Variants in SPMIP2 observed in about 807,000 individuals in gnomAD.
SPMIP2 encodes the protein sperm microtubule inner protein 2, also known as protein SPMIP2.
the SPMIP2 span, chr4:158,893,504 A>ATATT: frequency 3.7e-6 from 2 of 543,642 alleles, no homozygotes; most frequent in Non-Finnish European, 6.7e-6. Flanking sequence ...TCATGAAACA[A>ATATT]TATTAATGGT....
At chr4:159,065,307 C>A in the SPMIP2 span, among the ~76,000 whole-genome samples, 78 of 152,222 alleles carry the variant, frequency 5.1e-4, no homozygotes, top group Non-Finnish European at 7.6e-4. Flanking sequence ...AATAGCTAGA[C>A]AAGTTCACCA....
At chr4:158,946,245 G>T in the SPMIP2 span, among the ~76,000 whole-genome samples, 1 of 152,232 alleles carries the variant, frequency 6.6e-6, no homozygotes, top group Non-Finnish European at 1.5e-5. Context: ...TCACAGTACA[G>T]TCTCTTGAGC....
At chr4:158,993,833 C>A in the SPMIP2 span, among the ~76,000 whole-genome samples, 2 of 152,182 alleles carry the variant, frequency 1.3e-5, no homozygotes, top group Non-Finnish European at 2.9e-5. Flanking sequence ...ACTCAGACAA[C>A]ATTAAACACT....
the SPMIP2 span, among the ~76,000 whole-genome samples, chr4:158,986,333 C>T: frequency 1.3e-5 from 2 of 152,060 alleles, no homozygotes; most frequent in African/African-American, 4.8e-5. Flanking sequence ...CCAAGTCAAT[C>T]CTAAGACAAA....
chr4:158,959,544 T>C, the SPMIP2 span, among the ~76,000 whole-genome samples: 1 of 151,872 alleles, frequency 6.6e-6, no homozygotes, highest in Non-Finnish European at 1.5e-5. Context: ...TCAGGGCTAA[T>C]AAAATCCAGT....
the SPMIP2 span, among the ~76,000 whole-genome samples, chr4:159,060,858 G>A: frequency 1.3e-5 from 2 of 152,104 alleles, no homozygotes; most frequent in Non-Finnish European, 2.9e-5. Context: ...GCCGAGGCAG[G>A]CAGATCACTT....
At chr4:159,006,689 G>A in the SPMIP2 span, among the ~76,000 whole-genome samples, 1 of 152,158 alleles carries the variant, frequency 6.6e-6, no homozygotes, top group South Asian at 2.1e-4. Flanking sequence ...CATCTTGGTT[G>A]TATCAAAGAG....
chr4:159,066,272 G>A, the SPMIP2 span, among the ~76,000 whole-genome samples: 1 of 152,102 alleles, frequency 6.6e-6, no homozygotes, highest in Non-Finnish European at 1.5e-5. Context: ...ATCTGCAGGG[G>A]ACAAAAATGA....
At chr4:159,040,074 G>A in the SPMIP2 span, among the ~76,000 whole-genome samples, 5 of 152,166 alleles carry the variant, frequency 3.3e-5, 1 homozygote, top group South Asian at 8.3e-4. Flanking sequence ...CTTTGCCACC[G>A]TTTAGCAGTG....
the SPMIP2 span, among the ~76,000 whole-genome samples, chr4:158,912,633 C>G: frequency 1.3e-5 from 2 of 152,130 alleles, no homozygotes; most frequent in African/African-American, 4.8e-5. Flanking sequence ...TATTTGCTTT[C>G]AAATATGTAA....
chr4:158,940,220 C>A, the SPMIP2 span, among the ~76,000 whole-genome samples: 1 of 152,260 alleles, frequency 6.6e-6, no homozygotes, highest in East Asian at 1.9e-4. Flanking sequence ...CTGTACTTGT[C>A]CAAATTTCCT....
the SPMIP2 span, among the ~76,000 whole-genome samples, chr4:158,942,701 C>T: frequency 5.3e-5 from 8 of 152,082 alleles, no homozygotes; most frequent in South Asian, 2.1e-4. Context: ...CACTTGAACC[C>T]GGGAGGTGGA....
chr4:159,080,274 T>C, the SPMIP2 span, among the ~76,000 whole-genome samples: 1 of 152,136 alleles, frequency 6.6e-6, no homozygotes, highest in Non-Finnish European at 1.5e-5. Context: ...TGGAATGCAA[T>C]GGCACAATCA....
chr4:158,928,693 G>C, the SPMIP2 span, among the ~76,000 whole-genome samples: 1 of 152,114 alleles, frequency 6.6e-6, no homozygotes, highest in Non-Finnish European at 1.5e-5. Context: ...TGGAAGCTTT[G>C]TTCTTTTGCT....
chr4:158,994,604 C>A, the SPMIP2 span, among the ~76,000 whole-genome samples: 8 of 152,218 alleles, frequency 5.3e-5, no homozygotes, highest in South Asian at 1.7e-3. Flanking sequence ...ATCAAGTAGA[C>A]CTTGGAAATG....
chr4:158,966,177 A>C, the SPMIP2 span, among the ~76,000 whole-genome samples: 2 of 152,222 alleles, frequency 1.3e-5, no homozygotes, highest in South Asian at 4.1e-4. Context: ...ACTATTCCTA[A>C]ACTTCCCCAA....
chr4:158,939,776 G>A, the SPMIP2 span, among the ~76,000 whole-genome samples: 3 of 152,064 alleles, frequency 2.0e-5, no homozygotes, highest in Non-Finnish European at 2.9e-5. Context: ...TCAGGAGTTC[G>A]AGACGTGAGC....
At chr4:159,015,397 T>C in the SPMIP2 span, among the ~76,000 whole-genome samples, 2 of 152,222 alleles carry the variant, frequency 1.3e-5, no homozygotes, top group Non-Finnish European at 2.9e-5. Flanking sequence ...AATAGTTCAG[T>C]TTTTAAAATA....
At chr4:158,957,350 T>C in the SPMIP2 span, among the ~76,000 whole-genome samples, 1 of 152,186 alleles carries the variant, frequency 6.6e-6, no homozygotes, top group African/African-American at 2.4e-5. Flanking sequence ...GCAGCACAGG[T>C]TGTAATTTGA....
Sources: gnomAD v4.1 joint callset for allele counts (sites outside exome capture counted in the v4.1 genomes callset) on GRCh38, gnomAD v4.1.1 for gene constraint, MANE v1.5 for transcripts, NCBI Gene and HGNC (gene_info 2026-07-23, HGNC 2026-07-21) for gene names.